The following NDST4 variants were observed in gnomAD, a reference collection of about 807,000 sequenced individuals.
The protein encoded by NDST4 is N-deacetylase and N-sulfotransferase 4, also known as N-heparan sulfate sulfotransferase 4.
NDST4 carries 63 observed loss-of-function variants against 100.8 expected under a neutral mutation model. The ratio of observed to expected loss-of-function variants is 0.62; its 90% confidence interval spans 0.51 to 0.77. The LOEUF (loss-of-function observed/expected upper bound fraction) is 0.77, where lower values mean the gene tolerates loss of function less well. Among genes scored for constraint, NDST4 ranks in the 30% least tolerant of loss-of-function variants. NDST4 has a pLI of 0.00. For synonymous variants in NDST4, 377 were observed against 361.8 expected, an observed-to-expected ratio of 1.04 and a Z score of -0.48; for missense variants, 943 against 1,018.4, an observed-to-expected ratio of 0.93 and a Z score of 1.01.
intron 2 of NDST4, among the ~76,000 whole-genome samples, chr4:115,052,882 T>A (rs1390210922): frequency 1.3e-5 from 2 of 152,072 alleles, no homozygotes; most frequent in Non-Finnish European, 2.9e-5. Flanking sequence ...GAGGAAGATA[T>A]TTACGAAAAA....
intron 6 of NDST4, 54 bp from the exon 7 acceptor site, chr4:114,871,004 T>C (rs1724137439): frequency 6.9e-7 from 1 of 1,439,710 alleles, no homozygotes; most frequent in Non-Finnish European, 9.5e-7. Context: ...AGCTTAAAAG[T>C]AGCAGTACAA....
In NDST4 at chr4:115,027,469, G is replaced by A. The variant is rs114289455; in HGVS notation, c.978+48590C>T. Among the ~76,000 whole-genome samples the A allele has an allele frequency of 3.1e-3, 475 of 152,162 alleles. 1 individual carries two copies. The highest frequency in any genetic ancestry group is 0.011 in the African/African-American group (459 of 41,520). On this transcript the variant is annotated intron_variant, in intron 2 of 13. Transcript: ENST00000264363. ...ACTGTATATTTGAGGTGATAAAGAC[G>A]ACAGCTTACATCCTACCTTCTCCTT...
At chr4:115,012,995 A>G (rs115312028) in intron 2 of NDST4, among the ~76,000 whole-genome samples, 5,031 of 151,624 alleles carry the variant, frequency 0.033, 289 homozygotes, top group African/African-American at 0.11. Flanking sequence ...TGTGGGAGCT[A>G]AAAATTAAAA....
At chr4:115,094,509 A>G (rs1248574551) in intron 1 of NDST4, among the ~76,000 whole-genome samples, 1 of 152,208 alleles carries the variant, frequency 6.6e-6, no homozygotes, top group Non-Finnish European at 1.5e-5. Flanking sequence ...TTGTAAACAA[A>G]CATAAACCAA....
chr4:114,871,863 A>G (rs1244316752), intron 6 of NDST4, among the ~76,000 whole-genome samples: 2 of 152,020 alleles, frequency 1.3e-5, no homozygotes, highest in Non-Finnish European at 2.9e-5. Flanking sequence ...AATGTTTTAT[A>G]ACAACCCAAA....
At chr4:114,931,266 A>T (rs1453877732) in intron 6 of NDST4, among the ~76,000 whole-genome samples, 2 of 151,806 alleles carry the variant, frequency 1.3e-5, no homozygotes, top group African/African-American at 4.8e-5. Flanking sequence ...TTTCTTGACT[A>T]CCATAAGAGA....
In NDST4 at chr4:114,839,387, A is replaced by G. The variant is rs1396950665; in HGVS notation, c.2277T>C (p.Ala759=). Residue 759 remains alanine, a synonymous_variant, in exon 11 of 14, where the codon GCT becomes GCC. Transcript: ENST00000264363. ...AATTTCAGGACATTACCTGAGAAGT[A>G]GCAAAGTAAGTTAGCCATCTTTCTA... ...VHIERWLTYF[A]TSQLLIIDGQ... is the part of the protein sequence containing the mutation. The G allele has an allele frequency of 5.6e-6, 9 of 1,610,234 alleles. No individual in the cohort carries two copies. The highest frequency in any genetic ancestry group is 7.6e-6 in the Non-Finnish European group (9 of 1,177,816).
rs1729715678 is a variant in NDST4 at position 115,100,819 on chromosome 4, T to TC, written c.-247+12624dup. Among the ~76,000 whole-genome samples the TC allele has an allele frequency of 2.3e-5, 3 of 132,058 alleles. No individual in the cohort carries two copies. The South Asian group carries it at 6.9e-4, about 31-fold the overall frequency. 86.6% of individuals were successfully genotyped at this position (132,058 alleles called of 152,430 possible). A position where few individuals can be genotyped will look rare whatever the true frequency, so the allele number is the denominator to read the frequency against. ...ATGCTTCACTCCTTTTTTTTTTTTT[T>TC]CCCTCCTGCTCTGCCCTCCTTTCCT... On this transcript the variant is annotated intron_variant, in intron 1 of 13. Coordinates refer to ENST00000264363, the MANE Select transcript of NDST4 (RefSeq NM_022569.3).
At chr4:115,103,677 A>G (rs1029799800) in intron 1 of NDST4, among the ~76,000 whole-genome samples, 1 of 151,990 alleles carries the variant, frequency 6.6e-6, no homozygotes, top group Non-Finnish European at 1.5e-5. Context: ...TGCTATTTTT[A>G]ATTTAATTTC....
intron 1 of NDST4, among the ~76,000 whole-genome samples, chr4:115,081,844 T>C (rs1729312235): frequency 6.6e-6 from 1 of 152,182 alleles, no homozygotes; most frequent in African/African-American, 2.4e-5. Context: ...GACCTTTCAT[T>C]ATAGAAATAA....
chr4:114,947,771 T>A (rs1268183328), intron 4 of NDST4, among the ~76,000 whole-genome samples: 4 of 152,266 alleles, frequency 2.6e-5, no homozygotes, highest in Non-Finnish European at 4.4e-5. Flanking sequence ...CATGTAAATA[T>A]CTTGGCATAT....
intron 2 of NDST4, among the ~76,000 whole-genome samples, chr4:115,013,353 A>ATG (rs1727599524): frequency 2.3e-5 from 2 of 88,818 alleles, no homozygotes; most frequent in African/African-American, 4.3e-5. Flanking sequence ...TACCATATAT[A>ATG]TATATATATA....
chr4:115,024,938 G>A (rs4834448), intron 2 of NDST4, among the ~76,000 whole-genome samples: 1 of 151,986 alleles, frequency 6.6e-6, no homozygotes, highest in Non-Finnish European at 1.5e-5. Context: ...GAAATCTTGG[G>A]AGTGATAAAA....
chr4:115,052,285 A>G (rs1166872158), intron 2 of NDST4, among the ~76,000 whole-genome samples: 1 of 152,232 alleles, frequency 6.6e-6, no homozygotes, highest in Non-Finnish European at 1.5e-5. Context: ...GTAGACAATT[A>G]GATTTAAACA....
intron 6 of NDST4, among the ~76,000 whole-genome samples, chr4:114,884,758 T>C (rs1023438034): frequency 6.6e-6 from 1 of 152,194 alleles, no homozygotes; most frequent in African/African-American, 2.4e-5. Flanking sequence ...ATATGAATGG[T>C]TCTCCAGCTT....
intron 4 of NDST4, among the ~76,000 whole-genome samples, chr4:114,958,489 C>T (rs975283726): frequency 6.6e-6 from 1 of 152,180 alleles, no homozygotes; most frequent in African/African-American, 2.4e-5. Flanking sequence ...TCATCTCCAT[C>T]AAACACCACA....
At chr4:115,001,799 A>G (rs773772876) in intron 2 of NDST4, among the ~76,000 whole-genome samples, 1 of 152,114 alleles carries the variant, frequency 6.6e-6, no homozygotes, top group Non-Finnish European at 1.5e-5. Context: ...GCAGCTTTCA[A>G]TTTACTTCAT....
intron 2 of NDST4, among the ~76,000 whole-genome samples, chr4:115,045,414 G>C (rs1257971237): frequency 6.6e-6 from 1 of 152,144 alleles, no homozygotes; most frequent in Non-Finnish European, 1.5e-5. Context: ...TCATTAGACT[G>C]ATATAAGTAA....
chr4:115,086,933 T>C (rs1729420229), intron 1 of NDST4, among the ~76,000 whole-genome samples: 1 of 152,202 alleles, frequency 6.6e-6, no homozygotes, highest in Non-Finnish European at 1.5e-5. Flanking sequence ...GTAGTAGAAA[T>C]GCTATCCGTG....
Sources: gnomAD v4.1 joint callset for allele counts (sites outside exome capture counted in the v4.1 genomes callset) on GRCh38, gnomAD v4.1.1 for gene constraint, MANE v1.5 for transcripts, NCBI Gene and HGNC (gene_info 2026-07-23, HGNC 2026-07-21) for gene names.